CALHM4: variants seen among roughly 807,000 people sequenced by gnomAD.
CALHM4 encodes the protein calcium homeostasis modulator family member 4, also known as calcium homeostasis modulator protein 4.
Under a neutral mutation model 13.3 loss-of-function variants are expected in CALHM4, and 16 were observed. The ratio of observed to expected loss-of-function variants is 1.20; its 90% CI spans 0.81 to 1.82. The LOEUF (loss-of-function observed/expected upper bound fraction) is 1.82, where lower values mean the gene tolerates loss of function less well. CALHM4 is among the 40% of genes most tolerant of loss of function. The probability of loss-of-function intolerance (pLI) is 0.00; values close to 1 mark genes in which losing one functional copy is unlikely to be tolerated. For synonymous variants in CALHM4, 127 were observed against 137.1 expected, an observed-to-expected ratio of 0.93 and a Z score of 0.52; for missense variants, 344 against 374.9, an observed-to-expected ratio of 0.92 and a Z score of 0.68.
At chr6:116,529,508 G>T (rs1772568412) in intron 1 of CALHM4, among the ~76,000 whole-genome samples, 1 of 152,206 alleles carries the variant, frequency 6.6e-6, no homozygotes, top group Admixed American at 6.5e-5. Flanking sequence ...GGTAGACAGA[G>T]CACTGTGCTG....
At chr6:116,544,182 A>AGAGAGAGAGAGAGAGAGAGAGAG (rs1773633634) in intron 2 of CALHM4, among the ~76,000 whole-genome samples, 1 of 150,068 alleles carries the variant, frequency 6.7e-6, no homozygotes, top group Non-Finnish European at 1.5e-5. Flanking sequence ...AGAGAGAGAG[A>AGAGAGAGAGAGAGAGAGAGAGAG]ATGATGAGAT....
At position 116,557,919 on chromosome 6, in the gene CALHM4, A is replaced by G; in HGVS notation, c.653A>G (p.His218Arg). The stretch of plus-strand genomic sequence containing the variant: ...TGCTCTCCCCTCACCTCTCTGCAAC[A>G]TTGCTACTGGACCAGCCACCTCCAG... Reference protein sequence around the residue: ...KCCSPLTSLQHCYWTSHLQNE... With the variant: ...KCCSPLTSLQRCYWTSHLQNE... Residue 218 changes from histidine to arginine, a missense_variant, in exon 2 of 2, where the codon CAT (histidine) becomes CGT (arginine). His to Arg is a conservative substitution (Grantham distance 29). Transcript: ENST00000368596. The G allele has an allele frequency of 6.2e-7, 1 of 1,614,126 alleles. No individual in the cohort carries two copies. Among genetic ancestry groups the G allele is most frequent in the Non-Finnish European group, 8.5e-7 (1 of 1,180,006 alleles).
chr6:116,537,293 G>C (rs2145336), intron 1 of CALHM4, among the ~76,000 whole-genome samples: 57,128 of 152,046 alleles, frequency 0.38, 12,409 homozygotes, highest in East Asian at 0.54. Context: ...GAAAATCTTA[G>C]AGAAGGGATA....
upstream of CALHM4, among the ~76,000 whole-genome samples, chr6:116,550,336 T>C (rs1774021305): frequency 6.6e-6 from 1 of 152,100 alleles, no homozygotes; most frequent in Admixed American, 6.6e-5. Flanking sequence ...TCTGGAACAG[T>C]GGTTAAAAGC....
chr6:116,543,756 T>C, intron 1 of CALHM4: 1 of 1,369,728 alleles, frequency 7.3e-7, no homozygotes. Context: ...ATGCCATCCA[T>C]GTTTTCAGTT....
upstream of CALHM4, among the ~76,000 whole-genome samples, chr6:116,550,184 TC>T (rs963558888): frequency 1.3e-5 from 2 of 151,998 alleles, no homozygotes; most frequent in Non-Finnish European, 2.9e-5. Flanking sequence ...AGTTTTGCCT[TC>T]TATTAATATT....
chr6:116,555,593 A>G (rs1390861483), intron 1 of CALHM4, among the ~76,000 whole-genome samples: 2 of 152,180 alleles, frequency 1.3e-5, no homozygotes, highest in Non-Finnish European at 2.9e-5. Context: ...TTACTACCCC[A>G]TTTTACAGAT....
intron 1 of CALHM4, among the ~76,000 whole-genome samples, chr6:116,538,350 G>A (rs956212743): frequency 5.9e-5 from 9 of 152,192 alleles, no homozygotes; most frequent in East Asian, 1.9e-4. Context: ...ACCCTACATC[G>A]TGTGACAGAA....
intron 1 of CALHM4, among the ~76,000 whole-genome samples, chr6:116,555,680 T>G (rs1351361474): frequency 6.6e-6 from 1 of 152,206 alleles, no homozygotes; most frequent in Non-Finnish European, 1.5e-5. Flanking sequence ...TATCCCAAGA[T>G]CATGCTATTT....
intron 1 of CALHM4, among the ~76,000 whole-genome samples, chr6:116,542,710 A>G (rs1051438892): frequency 6.6e-6 from 1 of 152,134 alleles, no homozygotes; most frequent in Non-Finnish European, 1.5e-5. Flanking sequence ...GGTCTCATTT[A>G]AAAAGGAAGA....
chr6:116,552,979 C>T (rs1184548988), upstream of CALHM4, among the ~76,000 whole-genome samples: 2 of 152,140 alleles, frequency 1.3e-5, no homozygotes, highest in Non-Finnish European at 2.9e-5. Flanking sequence ...GAGGCTGAGG[C>T]AGGAGAATGG....
chr6:116,540,723 G>C (rs1266724573), intron 1 of CALHM4, among the ~76,000 whole-genome samples: 1 of 151,962 alleles, frequency 6.6e-6, no homozygotes, highest in East Asian at 1.9e-4. Flanking sequence ...GCCCAAAGTT[G>C]ACAATATAAA....
rs968851747 is a variant in CALHM4 at position 116,559,388 on chromosome 6, G to T, written c.*1177G>T. On this transcript the variant is annotated 3_prime_UTR_variant, in exon 2 of 2. Coordinates refer to ENST00000368596, the MANE Select transcript of CALHM4 (RefSeq NM_001366078.2). ...CACTTTCAAGGAGACCAAGGAACTT[G>T]ACTATACTATCTAAAATGCAATCAA... 2.0e-5 allele frequency among the ~76,000 whole-genome samples: 3 copies of T among 152,280 alleles called. No homozygotes were observed. The East Asian group carries it at 5.8e-4, about 29-fold the overall frequency.
At chr6:116,551,985 T>C (rs188872634), upstream of CALHM4, among the ~76,000 whole-genome samples, 8 of 152,348 alleles carry the variant, frequency 5.3e-5, no homozygotes, top group Non-Finnish European at 1.2e-4. Flanking sequence ...ATTTCTGAAT[T>C]GAATGGACTT....
intron 1 of CALHM4, among the ~76,000 whole-genome samples, chr6:116,536,084 T>C (rs1773067818): frequency 6.6e-6 from 1 of 152,202 alleles, no homozygotes; most frequent in African/African-American, 2.4e-5. Context: ...GACTTACAAA[T>C]GTTCAAAATA....
intron 1 of CALHM4, among the ~76,000 whole-genome samples, chr6:116,540,969 G>A (rs1339560974): frequency 6.6e-6 from 1 of 152,160 alleles, no homozygotes; most frequent in African/African-American, 2.4e-5. Flanking sequence ...TTTGTTGCCA[G>A]TGAGAGTTTC....
chr6:116,558,583 G>T lies in CALHM4; in HGVS notation c.*372G>T. ...TAAACATGATAATACAAAGTGTTTA[G>T]CACAGTGTCTTTCATAAAAATAGAT... is the stretch of plus-strand genomic sequence containing the variant. On this transcript the variant is annotated 3_prime_UTR_variant, in exon 2 of 2. Coordinates refer to ENST00000368596, the MANE Select transcript of CALHM4 (RefSeq NM_001366078.2). 1 of 165,918 alleles carries T rather than the reference G, an allele frequency of 6.0e-6. No homozygotes were observed. Among genetic ancestry groups the T allele is most frequent in the Non-Finnish European group, 1.3e-5 (1 of 77,012 alleles). 10.3% of individuals were successfully genotyped at this position (165,918 alleles called of 1,614,324 possible). A position where few individuals can be genotyped will look rare whatever the true frequency, so the allele number is the denominator to read the frequency against.
upstream of CALHM4, among the ~76,000 whole-genome samples, chr6:116,550,377 G>T (rs1256373883): frequency 2.0e-5 from 3 of 152,174 alleles, no homozygotes; most frequent in East Asian, 5.8e-4. Context: ...CCCAGTCCTG[G>T]CACTTCCGCT....
rs1774412427 is a variant in CALHM4 at position 116,558,016 on chromosome 6, G to A, written c.750G>A (p.Lys250=). 6.2e-7 allele frequency: 1 copy of A among 1,614,020 alleles called. No homozygotes were observed. The highest frequency in any genetic ancestry group is 1.1e-5 in the South Asian group (1 of 91,084). Residue 250 remains lysine (K), a synonymous_variant, in exon 2 of 2, where the codon AAG becomes AAA. Transcript: ENST00000368596. ...TCCTCATGATGCATCGCATAAAGAAGCTATTTGGCTTCATTCCCGGGAGTG... is the reference window on the plus strand; with the variant it reads ...TCCTCATGATGCATCGCATAAAGAAACTATTTGGCTTCATTCCCGGGAGTG... ...SRLLMMHRIK[K]LFGFIPGSED...
Sources: gnomAD v4.1 joint callset for allele counts (sites outside exome capture counted in the v4.1 genomes callset) on GRCh38, gnomAD v4.1.1 for gene constraint, MANE v1.5 for transcripts, NCBI Gene and HGNC (gene_info 2026-07-23, HGNC 2026-07-21) for gene names.